PPP3R1: variants seen among roughly 807,000 people sequenced by gnomAD.
PPP3R1 encodes the protein calcineurin subunit B type 1.
In PPP3R1, 5 loss-of-function variants were observed where a neutral mutation model predicts 22.6. The ratio of observed to expected loss-of-function variants is 0.22; its 90% CI spans 0.12 to 0.46. PPP3R1 has a LOEUF of 0.46. PPP3R1 is among the 20% of genes least tolerant of loss of function. The pLI is 0.99. For missense variants in PPP3R1, 61 were observed against 203.2 expected, an observed-to-expected ratio of 0.30 and a Z score of 4.25; for synonymous variants, 56 against 65.2, an observed-to-expected ratio of 0.86 and a Z score of 0.68.
At chr2:68,242,648 A>G (rs1247971914) in intron 1 of PPP3R1, among the ~76,000 whole-genome samples, 3 of 152,218 alleles carry the variant, frequency 2.0e-5, no homozygotes, top group African/African-American at 4.8e-5. Flanking sequence ...ATGTAAGTAC[A>G]GATTTATCTT....
chr2:68,182,657 T>TAA (rs34758901), intron 5 of PPP3R1, among the ~76,000 whole-genome samples: 2 of 123,816 alleles, frequency 1.6e-5, no homozygotes, highest in Non-Finnish European at 1.7e-5. Context: ...CTCTAATACT[T>TAA]AAAAAAAAAA....
chr2:68,192,768 GCTTT>G (rs985182733), intron 2 of PPP3R1, among the ~76,000 whole-genome samples: 2 of 152,050 alleles, frequency 1.3e-5, no homozygotes, highest in Non-Finnish European at 2.9e-5. Context: ...TTTTCTAGTG[GCTTT>G]CTAATACAAA....
intron 5 of PPP3R1, among the ~76,000 whole-genome samples, chr2:68,182,071 ACCCC>A (rs200145582): frequency 5.2e-5 from 2 of 38,620 alleles, no homozygotes. Flanking sequence ...CCCTCCTCCA[ACCCC>A]CCCCTCCCCC....
At chr2:68,205,598 A>G (rs536257004) in intron 2 of PPP3R1, among the ~76,000 whole-genome samples, 41 of 152,246 alleles carry the variant, frequency 2.7e-4, no homozygotes, top group African/African-American at 8.9e-4. Context: ...TCACACCTAA[A>G]AATTAATTAT....
At chr2:68,209,628 C>T (rs191950235) in intron 2 of PPP3R1, among the ~76,000 whole-genome samples, 1 of 151,786 alleles carries the variant, frequency 6.6e-6, no homozygotes, top group Admixed American at 6.6e-5. Flanking sequence ...AGTGGTGGTA[C>T]ATGCCTGTGG....
intron 2 of PPP3R1, among the ~76,000 whole-genome samples, chr2:68,202,570 A>T (rs567510183): frequency 6.6e-6 from 1 of 151,784 alleles, no homozygotes; most frequent in Non-Finnish European, 1.5e-5. Flanking sequence ...GATTACGGGC[A>T]CCCACAACCA....
chr2:68,193,983 A>T (rs1415911082), intron 2 of PPP3R1, among the ~76,000 whole-genome samples: 1 of 152,060 alleles, frequency 6.6e-6, no homozygotes, highest in Non-Finnish European at 1.5e-5. Flanking sequence ...CTCTTGACTC[A>T]TCTTGTGACT....
intron 2 of PPP3R1, among the ~76,000 whole-genome samples, chr2:68,209,425 A>T (rs887498848): frequency 2.0e-5 from 3 of 150,326 alleles, no homozygotes; most frequent in African/African-American, 7.3e-5. Context: ...ATAAATTAAT[A>T]AATAAGTAAT....
At chr2:68,186,758 T>C (rs1674554744) in intron 4 of PPP3R1, 106 bp from the exon 5 acceptor site, 2 of 1,029,282 alleles carry the variant, frequency 1.9e-6, no homozygotes, top group South Asian at 1.5e-5. Flanking sequence ...ATTATGACTA[T>C]GAGGATGTCT....
chr2:68,251,568 G>A (rs1377268851), intron 1 of PPP3R1, among the ~76,000 whole-genome samples: 3 of 152,210 alleles, frequency 2.0e-5, no homozygotes, highest in Admixed American at 6.5e-5. Context: ...TCGCAGGAGA[G>A]GGGAAGTGAG....
chr2:68,244,262 T>G (rs1401722051), intron 1 of PPP3R1, among the ~76,000 whole-genome samples: 1 of 152,200 alleles, frequency 6.6e-6, no homozygotes, highest in Non-Finnish European at 1.5e-5. Context: ...ATTTATTTCC[T>G]AGGTCACTGA....
At chr2:68,229,965 T>TATACACACACAC (rs1553408545) in intron 1 of PPP3R1, among the ~76,000 whole-genome samples, 1 of 49,494 alleles carries the variant, frequency 2.0e-5, no homozygotes, top group South Asian at 9.3e-4. Flanking sequence ...TGTGTATATA[T>TATACACACACAC]ACACACATAC....
chr2:68,246,063 C>CTTTTTTTTT (rs1670230817), intron 1 of PPP3R1, among the ~76,000 whole-genome samples: 1 of 121,466 alleles, frequency 8.2e-6, no homozygotes, highest in Non-Finnish European at 1.7e-5. Context: ...CTTTTTCTTT[C>CTTTTTTTTT]TTTCTTTTTT....
Position 68,252,187 on chromosome 2 carries a change from C to T in PPP3R1, c.-60G>A. The stretch of plus-strand genomic sequence containing the variant: ...GGCTCGGAGAAGTGTTGCGCTCAGG[C>T]TGGCTCGCAGGAAACGGCGGCGGCG... On this transcript the variant is annotated 5_prime_UTR_variant, in exon 1 of 6. Coordinates refer to ENST00000234310, the MANE Select transcript of PPP3R1 (RefSeq NM_000945.4). 1 of 1,310,252 alleles carries T rather than the reference C, an allele frequency of 7.6e-7. No individual in the cohort carries two copies. Among genetic ancestry groups the T allele is most frequent in the Non-Finnish European group, 1.0e-6 (1 of 1,004,286 alleles). 81.2% of individuals were successfully genotyped at this position (1,310,252 alleles called of 1,614,324 possible).
chr2:68,222,858 C>A (rs1290339211), intron 1 of PPP3R1, among the ~76,000 whole-genome samples: 1 of 151,202 alleles, frequency 6.6e-6, no homozygotes, highest in Admixed American at 6.6e-5. Context: ...CAAATAGGTA[C>A]AAAGAAAAAG....
chr2:68,203,014 A>T (rs1675018528), intron 2 of PPP3R1, among the ~76,000 whole-genome samples: 2 of 152,022 alleles, frequency 1.3e-5, no homozygotes, highest in African/African-American at 4.8e-5. Context: ...CACTAAAACA[A>T]GGTAACCCAA....
chr2:68,250,220 A>AT (rs925810768), intron 1 of PPP3R1, among the ~76,000 whole-genome samples: 29 of 152,194 alleles, frequency 1.9e-4, no homozygotes, highest in African/African-American at 6.8e-4. Flanking sequence ...GAAAAGGAAC[A>AT]TAATGACCTG....
chr2:68,246,923 A>G (rs953025403), intron 1 of PPP3R1, among the ~76,000 whole-genome samples: 4 of 152,164 alleles, frequency 2.6e-5, no homozygotes, highest in African/African-American at 9.7e-5. Context: ...CCTGTTGGCC[A>G]TAATCACCTA....
intron 2 of PPP3R1, among the ~76,000 whole-genome samples, chr2:68,189,471 C>A (rs942988979): frequency 6.6e-6 from 1 of 152,212 alleles, no homozygotes; most frequent in African/African-American, 2.4e-5. Context: ...AAGCTATTTT[C>A]TTCTAAATTA....
Sources: gnomAD v4.1 joint callset for allele counts (sites outside exome capture counted in the v4.1 genomes callset) on GRCh38, gnomAD v4.1.1 for gene constraint, MANE v1.5 for transcripts, NCBI Gene and HGNC (gene_info 2026-07-23, HGNC 2026-07-21) for gene names.